Variants in MBNL3 observed in about 807,000 individuals in gnomAD.
The protein encoded by MBNL3 is muscleblind-like protein 3.
A neutral mutation model predicts 24.5 loss-of-function variants in MBNL3; 6 were observed. That is an observed-to-expected ratio of 0.25 (90% CI 0.13 to 0.48). The LOEUF (loss-of-function observed/expected upper bound fraction) is 0.48. Ranked by LOEUF, MBNL3 falls within the 20% of genes least tolerant of loss-of-function variation. The probability of loss-of-function intolerance (pLI) is 0.99; values close to 1 mark genes in which losing one functional copy is unlikely to be tolerated. For missense variants in MBNL3, 230 were observed against 293.5 expected (o/e 0.78, Z 1.58); for synonymous variants, 100 against 101.7 (o/e 0.98, Z 0.10).
intron 1 of MBNL3, among the ~76,000 whole-genome samples, chrX:132,469,311 C>T (rs192310541): frequency 8.9e-6 from 1 of 112,547 alleles, no homozygotes; most frequent in East Asian, 2.8e-4. Context: ...GTGTCTGGCT[C>T]AATACTACAT....
chrX:132,470,385 A>G (rs1352989881), intron 1 of MBNL3, among the ~76,000 whole-genome samples: 1 of 109,574 alleles, frequency 9.1e-6, no homozygotes, highest in Non-Finnish European at 1.9e-5. Flanking sequence ...ATGCAAAAAC[A>G]AAAAAAAACA....
At chrX:132,427,589 A>C (rs1249498406) in intron 2 of MBNL3, among the ~76,000 whole-genome samples, 1 of 111,930 alleles carries the variant, frequency 8.9e-6, no homozygotes, top group Non-Finnish European at 1.9e-5. Context: ...ATGAACAAAG[A>C]TATTAAGACA....
chrX:132,458,154 G>C (rs1248999220), intron 1 of MBNL3, among the ~76,000 whole-genome samples: 1 of 110,846 alleles, frequency 9.0e-6, no homozygotes. Flanking sequence ...AACTAACTCA[G>C]GGCCACATAA....
rs758391503 is a variant in MBNL3, at chrX:132,378,709, A to G, written c.*957T>C. On this transcript the variant is annotated 3_prime_UTR_variant, in exon 9 of 9. Coordinates refer to ENST00000370853, the MANE Select transcript of MBNL3 (RefSeq NM_001386889.1). ...CAAATGGCTCAGTTTTAGACACTCA[A>G]TTTAGGAGATGGGATTCTCAAGCCA... 2.7e-5 allele frequency: 3 copies of G among 111,885 alleles called. No homozygotes were observed. The highest frequency in any genetic ancestry group is 2.8e-4 in the East Asian group (1 of 3,570). 9.2% of individuals were successfully genotyped at this position (111,885 alleles called of 1,213,427 possible).
intron 2 of MBNL3, chrX:132,431,864 T>C (rs1463596013): frequency 8.9e-6 from 1 of 112,112 alleles, no homozygotes; most frequent in Non-Finnish European, 1.9e-5. Flanking sequence ...TTTTTTCCTC[T>C]GATAGTGAGA....
intron 1 of MBNL3, among the ~76,000 whole-genome samples, chrX:132,471,391 A>G (rs753118164): frequency 1.1e-4 from 12 of 113,094 alleles, no homozygotes; most frequent in Non-Finnish European, 1.9e-4. Flanking sequence ...CTACACATCT[A>G]TAATATAACT....
At chrX:132,488,397 G>T (rs1288427710) in intron 1 of MBNL3, among the ~76,000 whole-genome samples, 1 of 111,277 alleles carries the variant, frequency 9.0e-6, no homozygotes. Flanking sequence ...CTTTTTAATA[G>T]TCTCCTAAAA....
At chrX:132,458,026 T>C (rs919789245) in intron 1 of MBNL3, among the ~76,000 whole-genome samples, 1 of 111,544 alleles carries the variant, frequency 9.0e-6, no homozygotes, top group Non-Finnish European at 1.9e-5. Flanking sequence ...GGCAGGTAAA[T>C]GTAGGCCTCT....
chrX:132,454,146 T>G (rs963600631), intron 1 of MBNL3, among the ~76,000 whole-genome samples: 5 of 111,126 alleles, frequency 4.5e-5, no homozygotes, highest in Middle Eastern at 4.7e-3. Flanking sequence ...ACATATTGAA[T>G]TGAATCAAAT....
chrX:132,387,665 CCTAA>C (rs1936347407), intron 5 of MBNL3, among the ~76,000 whole-genome samples: 1 of 111,973 alleles, frequency 8.9e-6, no homozygotes, highest in Non-Finnish European at 1.9e-5. Context: ...TTATATATTT[CCTAA>C]CTAACATGTA....
chrX:132,396,441 C>CCTATATACTCCTAT, intron 3 of MBNL3, among the ~76,000 whole-genome samples: 1 of 71,750 alleles, frequency 1.4e-5, no homozygotes, highest in South Asian at 6.9e-4. Context: ...TATATATATT[C>CCTATATACTCCTAT]ATATATATTC....
Position 132,375,845 on chromosome X carries a change from A to G in MBNL3, c.*3821T>C, listed in dbSNP as rs780763947. The stretch of plus-strand genomic sequence containing the variant: ...GAAAACTTGTGGCTGCATTTTACCT[A>G]AGAGCATCCTTATCTATACTCTGCA... On this transcript the variant is annotated 3_prime_UTR_variant, in exon 9 of 9. Transcript: ENST00000370853. 1 of 111,817 alleles carries G rather than the reference A, an allele frequency of 8.9e-6. No homozygotes were observed. Among genetic ancestry groups the G allele is most frequent in the South Asian group, 3.7e-4 (1 of 2,682 alleles). 9.2% of individuals were successfully genotyped at this position (111,817 alleles called of 1,213,427 possible).
In MBNL3 at chrX:132,396,383, TATATATATTCCTATATATATTC is replaced by T. The variant is rs1310128308; in HGVS notation, c.343-4071_343-4050del. Among the ~76,000 whole-genome samples, 593 of 88,022 alleles carry T rather than the reference TATATATATTCCTATATATATTC, an allele frequency of 6.7e-3. 25 individuals carry two copies. Among genetic ancestry groups the T allele is most frequent in the African/African-American group, 0.022 (515 of 23,143 alleles). The allele number at this position is 88,022 out of a possible 115,157, so 76.4% of individuals were successfully genotyped here. A position where few individuals can be genotyped will look rare whatever the true frequency, so the allele number is the denominator to read the frequency against. ...TCCTATATATATTCATATATATTCA[TATATATATTCCTATATATATTC>T]ATATATATTCCTATATATATATTCC... On this transcript the variant is annotated intron_variant, in intron 3 of 8. Coordinates refer to ENST00000370853, the MANE Select transcript of MBNL3 (RefSeq NM_001386889.1).
rs1474497120 is a variant in MBNL3, at chrX:132,373,229, C to A, written c.*6437G>T. On this transcript the variant is annotated 3_prime_UTR_variant, in exon 9 of 9. Transcript: ENST00000370853. ...TCCTACTAATTTATAGGTGATTTTTCCTGACTTAAAATGTCGTATCTCTAT... is the reference window on the plus strand; with the variant it reads ...TCCTACTAATTTATAGGTGATTTTTACTGACTTAAAATGTCGTATCTCTAT... 1 of 111,121 alleles carries A rather than the reference C, an allele frequency of 9.0e-6. No individual in the cohort carries two copies. Among genetic ancestry groups the A allele is most frequent in the Non-Finnish European group, 1.9e-5 (1 of 52,870 alleles). 9.2% of individuals were successfully genotyped at this position (111,121 alleles called of 1,213,427 possible).
At chrX:132,475,080 T>C (rs1947368343) in intron 1 of MBNL3, among the ~76,000 whole-genome samples, 1 of 112,052 alleles carries the variant, frequency 8.9e-6, no homozygotes, top group Non-Finnish European at 1.9e-5. Flanking sequence ...GGGTGAGGGA[T>C]TAACTTCCAA....
rs1344639940 is a variant in MBNL3 at position 132,370,477 on chromosome X, T to C, written c.*9189A>G. On this transcript the variant is annotated 3_prime_UTR_variant, in exon 9 of 9. Transcript: ENST00000370853. Reference sequence around the variant, plus strand: ...GACTGCATTGCTTATAGGAATTCCATCTCTGCACCTAAACACTGAGATTCA... The same window carrying C: ...GACTGCATTGCTTATAGGAATTCCACCTCTGCACCTAAACACTGAGATTCA... 1 of 112,159 alleles carries C rather than the reference T, an allele frequency of 8.9e-6. No homozygotes were observed. The highest frequency in any genetic ancestry group is 1.9e-5 in the Non-Finnish European group (1 of 53,211). The allele number at this position is 112,159 out of a possible 1,213,427, so 9.2% of individuals were successfully genotyped here.
chrX:132,397,137 C>G (rs1410052101), intron 3 of MBNL3, among the ~76,000 whole-genome samples: 1 of 106,163 alleles, frequency 9.4e-6, no homozygotes, highest in African/African-American at 3.4e-5. Flanking sequence ...ATAGAACAAT[C>G]ACTACTCCGT....
At position 132,372,324 on chromosome X, in the gene MBNL3, T is replaced by G. The variant is rs1933686540; in HGVS notation, c.*7342A>C. ...TTTTTCACATTATTCCAAATTGTTG[T>G]TATATGAATGCACAAAGTTAGTCCT... is the stretch of plus-strand genomic sequence containing the variant. On this transcript the variant is annotated 3_prime_UTR_variant, in exon 9 of 9. Transcript: ENST00000370853. The G allele has an allele frequency of 9.1e-6, 1 of 110,382 alleles. No individual in the cohort carries two copies. The highest frequency in any genetic ancestry group is 3.3e-5 in the African/African-American group (1 of 30,558). 9.1% of individuals were successfully genotyped at this position (110,382 alleles called of 1,213,427 possible). A position where few individuals can be genotyped will look rare whatever the true frequency, so the allele number is the denominator to read the frequency against.
At chrX:132,465,595 A>C (rs1020422927) in intron 1 of MBNL3, among the ~76,000 whole-genome samples, 1 of 112,170 alleles carries the variant, frequency 8.9e-6, no homozygotes, top group African/African-American at 3.2e-5. Context: ...TTTAGTCCAC[A>C]TTTCTATTTT....
Sources: allele counts gnomAD v4.1 joint callset (sites outside exome capture counted in the v4.1 genomes callset), GRCh38; gene constraint gnomAD v4.1.1; transcripts MANE v1.5; gene names NCBI Gene and HGNC (gene_info 2026-07-23, HGNC 2026-07-21).